SGCD: variants seen among roughly 807,000 people sequenced by gnomAD.
SGCD encodes the protein sarcoglycan delta.
In SGCD, 18 loss-of-function variants were observed where a neutral mutation model predicts 36.6. The ratio of observed to expected loss-of-function variants is 0.49; its 90% confidence interval spans 0.34 to 0.73. The LOEUF (loss-of-function observed/expected upper bound fraction) is 0.73, where lower values mean the gene tolerates loss of function less well. Among genes scored for constraint, SGCD ranks in the 30% least tolerant of loss-of-function variants. The probability of loss-of-function intolerance (pLI) is 0.01; values close to 1 mark genes in which losing one functional copy is unlikely to be tolerated. For synonymous variants in SGCD, 133 were observed against 130.6 expected, an observed-to-expected ratio of 1.02 and a Z score of -0.12; for missense variants, 387 against 346.7, an observed-to-expected ratio of 1.12 and a Z score of -0.92.
At chr5:156,488,378 G>T (rs945845380) in intron 3 of SGCD, among the ~76,000 whole-genome samples, 1 of 151,928 alleles carries the variant, frequency 6.6e-6, no homozygotes, top group Non-Finnish European at 1.5e-5. Context: ...TAGTCAAATT[G>T]TCAAAAGACA....
rs148566042 is a variant in SGCD at position 155,992,564 on chromosome 5, C to T, written c.-282+122140C>T. ...AAGAGAAACAGCATAATCAGGAATT[C>T]CCCCTACCATGAGGTAAAATGAACT... is the stretch of plus-strand genomic sequence containing the variant. On this transcript the variant is annotated intron_variant, in intron 1 of 9. Transcript: ENST00000517913. Among the ~76,000 whole-genome samples, 72 of 152,196 alleles carry T rather than the reference C, an allele frequency of 4.7e-4. No individual in the cohort carries two copies. The East Asian group carries it at 0.013, about 27-fold the overall frequency.
rs1010631485 is a variant in SGCD at position 156,580,095 on chromosome 5, G to T, written c.295-9136G>T. Among the ~76,000 whole-genome samples, 11 of 152,152 alleles carry T rather than the reference G, an allele frequency of 7.2e-5. No homozygotes were observed. The East Asian group carries it at 1.2e-3, about 16-fold the overall frequency. On this transcript the variant is annotated intron_variant, in intron 4 of 8. Coordinates refer to ENST00000337851, the MANE Select transcript of SGCD (RefSeq NM_000337.6). ...TTTAGTGCTTCCTTCAGGAGCTCTT[G>T]TAAGGCAGGCCTGGTGGTGACAAAA...
intron 2 of SGCD, among the ~76,000 whole-genome samples, chr5:156,119,982 T>C (rs1761996147): frequency 6.6e-6 from 1 of 152,208 alleles, no homozygotes; most frequent in African/African-American, 2.4e-5. Flanking sequence ...ATGCAGACAC[T>C]GGTGATTTAA....
At chr5:156,572,244 A>G (rs1030164925) in intron 4 of SGCD, among the ~76,000 whole-genome samples, 4 of 152,210 alleles carry the variant, frequency 2.6e-5, no homozygotes, top group Admixed American at 6.5e-5. Context: ...TCTGTTTCCA[A>G]TTCTTTCTGG....
chr5:156,313,301 TA>T (rs1199167240), intron 3 of SGCD, among the ~76,000 whole-genome samples: 5 of 152,160 alleles, frequency 3.3e-5, no homozygotes, highest in African/African-American at 1.2e-4. Flanking sequence ...GATTCAGATT[TA>T]AAAGAGAATT....
intron 3 of SGCD, among the ~76,000 whole-genome samples, chr5:156,489,990 A>G (rs1047473183): frequency 6.8e-6 from 1 of 147,834 alleles, no homozygotes; most frequent in Non-Finnish European, 1.5e-5. Context: ...CAAGAAGAAA[A>G]GAGAGAGGAC....
At chr5:156,392,519 G>A (rs983799966) in intron 3 of SGCD, among the ~76,000 whole-genome samples, 16 of 152,250 alleles carry the variant, frequency 1.1e-4, no homozygotes, top group African/African-American at 2.4e-4. Context: ...CTGAAGGCCC[G>A]GGGGGCATGT....
At chr5:155,931,761 A>T (rs180753379) in intron 1 of SGCD, among the ~76,000 whole-genome samples, 113 of 152,322 alleles carry the variant, frequency 7.4e-4, no homozygotes, top group African/African-American at 2.5e-3. Context: ...GCTTTCAGCC[A>T]CTTACTATCT....
At chr5:155,763,591 A>G in the SGCD span, among the ~76,000 whole-genome samples, 1 of 152,286 alleles carries the variant, frequency 6.6e-6, no homozygotes, top group East Asian at 1.9e-4. Context: ...ATCATTTGTA[A>G]TAGACAATAG....
intron 3 of SGCD, among the ~76,000 whole-genome samples, chr5:156,461,548 A>G (rs1041561936): frequency 6.6e-6 from 1 of 152,154 alleles, no homozygotes; most frequent in Non-Finnish European, 1.5e-5. Context: ...TTCAGGCTAT[A>G]AATTAGTTTT....
At chr5:156,249,744 T>C (rs889429662) in intron 3 of SGCD, among the ~76,000 whole-genome samples, 17 of 151,628 alleles carry the variant, frequency 1.1e-4, no homozygotes, top group Non-Finnish European at 1.5e-4. Flanking sequence ...GTGTGTATTA[T>C]CTCATTGCCT....
chr5:156,136,689 A>G (rs1439113078), intron 3 of SGCD, among the ~76,000 whole-genome samples: 1 of 152,232 alleles, frequency 6.6e-6, no homozygotes, highest in Non-Finnish European at 1.5e-5. Flanking sequence ...AAGAGAGATT[A>G]TAGACATAGG....
chr5:156,483,039 C>T (rs1401092324), intron 3 of SGCD, among the ~76,000 whole-genome samples: 1 of 152,044 alleles, frequency 6.6e-6, no homozygotes, highest in African/African-American at 2.4e-5. Context: ...AAAATGTTTC[C>T]AGACATTCTT....
At chr5:156,688,403 T>C (rs938874877) in intron 7 of SGCD, among the ~76,000 whole-genome samples, 1 of 152,198 alleles carries the variant, frequency 6.6e-6, no homozygotes, top group African/African-American at 2.4e-5. Flanking sequence ...CATTTGATCT[T>C]CATAATAACC....
At chr5:156,297,280 A>G (rs1766921493) in intron 3 of SGCD, among the ~76,000 whole-genome samples, 2 of 152,050 alleles carry the variant, frequency 1.3e-5, no homozygotes, top group Non-Finnish European at 2.9e-5. Context: ...CAGCCATCCC[A>G]TTACTGGGTA....
intron 2 of SGCD, among the ~76,000 whole-genome samples, chr5:156,118,487 C>T (rs529406894): frequency 9.9e-5 from 15 of 152,146 alleles, no homozygotes; most frequent in Admixed American, 6.6e-4. Flanking sequence ...AGAGTCAGGG[C>T]GGGCATCTAT....
chr5:156,319,728 C>G (rs1394837043), intron 3 of SGCD, among the ~76,000 whole-genome samples: 1 of 152,182 alleles, frequency 6.6e-6, no homozygotes, highest in Non-Finnish European at 1.5e-5. Context: ...TATTACCTAT[C>G]TGTGTGATTT....
chr5:155,852,861 G>T, the SGCD span, among the ~76,000 whole-genome samples: 1 of 152,062 alleles, frequency 6.6e-6, no homozygotes, highest in African/African-American at 2.4e-5. Context: ...AGGCAGAGTT[G>T]TTCAAGTAAT....
intron 1 of SGCD, among the ~76,000 whole-genome samples, chr5:155,977,784 T>C (rs913011558): frequency 4.6e-5 from 7 of 152,060 alleles, no homozygotes; most frequent in African/African-American, 1.4e-4. Flanking sequence ...TTTTCATAAG[T>C]GGGTAGCCTC....
Sources: allele counts gnomAD v4.1 joint callset (sites outside exome capture counted in the v4.1 genomes callset), GRCh38; gene constraint gnomAD v4.1.1; transcripts MANE v1.5; gene names NCBI Gene and HGNC (gene_info 2026-07-23, HGNC 2026-07-21).